Variants in HDLBP observed in about 807,000 individuals in gnomAD.
The protein encoded by HDLBP is high density lipoprotein binding protein, also known as vigilin.
HDLBP carries 30 observed loss-of-function variants against 137.3 expected under a neutral mutation model. That is an observed-to-expected ratio of 0.22 (90% CI 0.16 to 0.30). HDLBP has a LOEUF of 0.30. HDLBP is among the 10% of genes least tolerant of loss of function. The pLI, the probability that HDLBP is intolerant of heterozygous loss-of-function variation, is 1.00. For missense variants in HDLBP, 1,119 were observed against 1,667.3 expected, an observed-to-expected ratio of 0.67 and a Z score of 5.73; for synonymous variants, 606 against 596.0, an observed-to-expected ratio of 1.02 and a Z score of -0.24.
chr2:241,267,837 C>A lies in HDLBP; in HGVS notation c.-38+640G>T, dbSNP rs1361726361. 4.2e-6 allele frequency: 6 copies of A among 1,442,112 alleles called. No individual in the cohort carries two copies. In the East Asian group the frequency reaches 1.3e-4, roughly 31 times the overall value. 89.3% of individuals were successfully genotyped at this position (1,442,112 alleles called of 1,614,324 possible). A position where few individuals can be genotyped will look rare whatever the true frequency, so the allele number is the denominator to read the frequency against. ...CCCTCCAGGTGTGGGACAGAACTCG[C>A]ACAGCAGGGGAAACCTGGCCCAAGG... On this transcript the variant is annotated intron_variant, in intron 2 of 27. Transcript: ENST00000310931.
intron 1 of HDLBP, chr2:241,273,110 G>C: frequency 1.0e-6 from 1 of 985,516 alleles, no homozygotes; most frequent in African/African-American, 1.7e-5. Flanking sequence ...GGAGCAGGAA[G>C]GACGGCTGCT....
intron 1 of HDLBP, among the ~76,000 whole-genome samples, chr2:241,286,407 A>G (rs1396587846): frequency 6.6e-6 from 1 of 152,248 alleles, no homozygotes. Context: ...ATAAATGCGT[A>G]TCTGACTGCC....
chr2:241,311,515 C>T (rs2075757730), intron 1 of HDLBP, among the ~76,000 whole-genome samples: 1 of 152,188 alleles, frequency 6.6e-6, no homozygotes, highest in Non-Finnish European at 1.5e-5. Context: ...GACAAGCCTG[C>T]AGCAGATTGG....
intron 1 of HDLBP, among the ~76,000 whole-genome samples, chr2:241,312,316 A>G (rs1488777605): frequency 6.6e-6 from 1 of 152,244 alleles, no homozygotes; most frequent in Non-Finnish European, 1.5e-5. Flanking sequence ...TATTCGAGGA[A>G]CTTCAGTGTG....
Position 241,242,340 on chromosome 2 carries a change from G to C in HDLBP, c.2169+120C>G, listed in dbSNP as rs894173187. 5 of 793,490 alleles carry C rather than the reference G, an allele frequency of 6.3e-6. No individual in the cohort carries two copies. In the East Asian group the frequency reaches 1.3e-4, roughly 21 times the overall value. The allele number at this position is 793,490 out of a possible 1,614,324, so 49.2% of individuals were successfully genotyped here. On this transcript the variant is annotated intron_variant, in intron 17 of 27. Coordinates refer to ENST00000310931, the MANE Select transcript of HDLBP (RefSeq NM_005336.6). ...AAAGACGCATAAACAGTACATTATA[G>C]AGCTGTTTTCTGACCCGCCACAAAG...
At chr2:241,252,220 T>C (rs1276240614) in intron 11 of HDLBP, among the ~76,000 whole-genome samples, 1 of 151,168 alleles carries the variant, frequency 6.6e-6, no homozygotes, top group Non-Finnish European at 1.5e-5. Context: ...AGAATCCCCC[T>C]GCTGGGTGTG....
intron 1 of HDLBP, among the ~76,000 whole-genome samples, chr2:241,283,474 CTTTTTTTT>C (rs961552851): frequency 7.0e-6 from 1 of 142,184 alleles, no homozygotes; most frequent in Non-Finnish European, 1.5e-5. Flanking sequence ...TAGATGGCTT[CTTTTTTTT>C]TTTTTTTCTT....
intron 1 of HDLBP, among the ~76,000 whole-genome samples, chr2:241,287,269 C>A (rs1385687833): frequency 2.6e-5 from 4 of 152,088 alleles, no homozygotes; most frequent in Non-Finnish European, 5.9e-5. Context: ...CGCCACCACA[C>A]CTGGCTGATT....
At chr2:241,247,373 A>G in intron 14 of HDLBP, 3 of 541,192 alleles carry the variant, frequency 5.5e-6, no homozygotes, top group South Asian at 2.0e-5. Context: ...GAGAGAGTTC[A>G]TGTCCCATGC....
At chr2:241,237,352 G>T (rs1361776655) in intron 20 of HDLBP, among the ~76,000 whole-genome samples, 1 of 152,212 alleles carries the variant, frequency 6.6e-6, no homozygotes, top group East Asian at 1.9e-4. Flanking sequence ...GACAGCTGGA[G>T]GGGCTCCTAC....
At position 241,272,715 on chromosome 2, in the gene HDLBP, G is replaced by A. The variant is rs2074199573; in HGVS notation, c.-102-4174C>T. 3 of 443,046 alleles carry A rather than the reference G, an allele frequency of 6.8e-6. No individual in the cohort carries two copies. Among genetic ancestry groups the A allele is most frequent in the East Asian group, 3.8e-4 (1 of 2,648 alleles). The allele number at this position is 443,046 out of a possible 1,614,324, so 27.4% of individuals were successfully genotyped here. ...CCCCGCCCGGCAGCCCGCCCGCCCC[G>A]TCCGCCCGCCCGCCCAGGCCTCCCA... On this transcript the variant is annotated intron_variant, in intron 1 of 27. Coordinates refer to ENST00000310931, the MANE Select transcript of HDLBP (RefSeq NM_005336.6). This position sits in a 1 kb window ranked among gnomAD's most constrained non-coding sequence, Gnocchi z 5.6.
chr2:241,257,867 A>AAGAC (rs78332091), intron 5 of HDLBP, among the ~76,000 whole-genome samples: 12,751 of 152,268 alleles, frequency 0.084, 662 homozygotes, highest in East Asian at 0.3. Flanking sequence ...AGTATACGGA[A>AAGAC]AGACCTGCTG....
At position 241,272,341 on chromosome 2, in the gene HDLBP, G is replaced by C; in HGVS notation, c.-102-3800C>G. The C allele has an allele frequency of 2.0e-6, 2 of 983,112 alleles. No homozygotes were observed. Among genetic ancestry groups the C allele is most frequent in the Non-Finnish European group, 2.4e-6 (2 of 828,990 alleles). The allele number at this position is 983,112 out of a possible 1,614,324, so 60.9% of individuals were successfully genotyped here. A position where few individuals can be genotyped will look rare whatever the true frequency, so the allele number is the denominator to read the frequency against. On this transcript the variant is annotated intron_variant, in intron 1 of 27. Transcript: ENST00000310931. The surrounding 1 kb of genome is among the most constrained non-coding windows in gnomAD (Gnocchi z 5.6). ...GCCGGAGCGGGGGAGGGGAGGGCCG[G>C]CCCCGCCAACGTCAGCGACCTGGGC...
chr2:241,307,835 T>C (rs1276999546), intron 1 of HDLBP, among the ~76,000 whole-genome samples: 1 of 152,068 alleles, frequency 6.6e-6, no homozygotes, highest in East Asian at 1.9e-4. Context: ...GGAGTAAACA[T>C]ACCTTAATAA....
At chr2:241,232,439 C>T (rs566169618) in intron 24 of HDLBP, among the ~76,000 whole-genome samples, 2 of 152,292 alleles carry the variant, frequency 1.3e-5, no homozygotes, top group South Asian at 4.2e-4. Context: ...CCACGCCTGG[C>T]TAATTTTCAT....
intron 1 of HDLBP, chr2:241,273,760 G>T: frequency 1.3e-5 from 9 of 718,122 alleles, no homozygotes; most frequent in Non-Finnish European, 1.5e-5. Flanking sequence ...AATGGGGTCA[G>T]GTCCGCACAG....
chr2:241,276,397 TAAAG>T (rs1340682185), intron 1 of HDLBP, among the ~76,000 whole-genome samples: 4 of 152,010 alleles, frequency 2.6e-5, no homozygotes, highest in Non-Finnish European at 5.9e-5. Context: ...TAATAATTGT[TAAAG>T]AAAAGAGAGA....
intron 16 of HDLBP, among the ~76,000 whole-genome samples, chr2:241,246,225 T>G (rs1281847041): frequency 1.3e-5 from 2 of 150,220 alleles, no homozygotes; most frequent in Non-Finnish European, 3.0e-5. Context: ...CAAAAGCATC[T>G]ACTGTGGCCG....
Position 241,238,544 on chromosome 2 carries a change from TC to T in HDLBP, c.2749+104del, listed in dbSNP as rs2070833105. On this transcript the variant is annotated intron_variant, in intron 20 of 27. Coordinates refer to ENST00000310931, the MANE Select transcript of HDLBP (RefSeq NM_005336.6). This position sits in a 1 kb window ranked among gnomAD's most constrained non-coding sequence, Gnocchi z 4.9. The stretch of plus-strand genomic sequence containing the variant: ...AGCCCCCAGAATACATAGATGGTTT[TC>T]CAGCAGAGACAGGAAAGAGCCTCAC... The T allele has an allele frequency of 1.1e-6, 1 of 943,566 alleles. No homozygotes were observed. Among genetic ancestry groups the T allele is most frequent in the African/African-American group, 1.7e-5 (1 of 59,838 alleles). The allele number at this position is 943,566 out of a possible 1,614,324, so 58.4% of individuals were successfully genotyped here.
Sources: gnomAD v4.1 joint callset for allele counts (sites outside exome capture counted in the v4.1 genomes callset) on GRCh38, gnomAD v4.1.1 for gene constraint, Gnocchi (gnomAD v3.1) non-coding constraint, MANE v1.5 for transcripts, NCBI Gene and HGNC (gene_info 2026-07-23, HGNC 2026-07-21) for gene names.